BTBD10: variants seen among roughly 807,000 people sequenced by gnomAD.
BTBD10 encodes the protein BTB/POZ domain-containing protein 10.
Under a neutral mutation model 53.2 loss-of-function variants are expected in BTBD10, and 21 were observed. The ratio of observed to expected loss-of-function variants is 0.39; its 90% confidence interval spans 0.28 to 0.57. The LOEUF is 0.57. Ranked by LOEUF, BTBD10 falls within the 20% of genes least tolerant of loss-of-function variation. The pLI is 0.53. For missense variants in BTBD10, 360 were observed against 594.7 expected (o/e 0.61, Z 4.10); for synonymous variants, 149 against 192.7 (o/e 0.77, Z 1.88).
intron 2 of BTBD10, among the ~76,000 whole-genome samples, chr11:13,433,584 T>C (rs970627749): frequency 1.3e-5 from 2 of 152,258 alleles, no homozygotes; most frequent in African/African-American, 4.8e-5. Flanking sequence ...GCATCGTTAA[T>C]GTGTTAAGTC....
chr11:13,402,868 T>C (rs1416885876), intron 8 of BTBD10, among the ~76,000 whole-genome samples: 1 of 152,196 alleles, frequency 6.6e-6, no homozygotes, highest in Non-Finnish European at 1.5e-5. Flanking sequence ...CATATATTCA[T>C]GTCCACACAC....
Position 13,405,937 on chromosome 11 carries a change from G to C in BTBD10, c.809-81C>G, listed in dbSNP as rs999686260. ...TTAGAAATATAGACTCTTATAACAA[G>C]AAAGGCCAGGCAGCCTACATAGGCC... On this transcript the variant is annotated intron_variant, in intron 6 of 8. Coordinates refer to ENST00000278174, the MANE Select transcript of BTBD10 (RefSeq NM_032320.7). 3.7e-6 allele frequency: 5 copies of C among 1,360,228 alleles called. No individual in the cohort carries two copies. The African/African-American group carries it at 5.9e-5, about 16-fold the overall frequency. The allele number at this position is 1,360,228 out of a possible 1,614,324, so 84.3% of individuals were successfully genotyped here. A position where few individuals can be genotyped will look rare whatever the true frequency, so the allele number is the denominator to read the frequency against.
At chr11:13,414,295 A>C (rs1950038653) in intron 5 of BTBD10, among the ~76,000 whole-genome samples, 1 of 152,228 alleles carries the variant, frequency 6.6e-6, no homozygotes. Context: ...ATGAGTGATA[A>C]AAATTCTTTT....
intron 1 of BTBD10, among the ~76,000 whole-genome samples, chr11:13,454,120 C>A (rs1950918142): frequency 6.6e-6 from 1 of 152,090 alleles, no homozygotes. Flanking sequence ...TTTACTAGTG[C>A]AGAGGAAATA....
chr11:13,462,020 C>T (rs1229456638), intron 1 of BTBD10, among the ~76,000 whole-genome samples: 4 of 149,748 alleles, frequency 2.7e-5, no homozygotes. Flanking sequence ...ATTCAAATGA[C>T]AACTGCAGTC....
chr11:13,422,238 G>A (rs1211042797), intron 2 of BTBD10, among the ~76,000 whole-genome samples: 2 of 152,116 alleles, frequency 1.3e-5, no homozygotes, highest in Non-Finnish European at 2.9e-5. Flanking sequence ...TGAGGAATGG[G>A]GCAGAGAAAT....
intron 2 of BTBD10, among the ~76,000 whole-genome samples, chr11:13,441,932 C>A: frequency 6.6e-6 from 1 of 152,116 alleles, no homozygotes; most frequent in South Asian, 2.1e-4. Context: ...CAGATATCTG[C>A]TGGAAATTTC....
intron 2 of BTBD10, among the ~76,000 whole-genome samples, chr11:13,443,576 A>G (rs1314319855): frequency 2.0e-5 from 3 of 151,610 alleles, no homozygotes; most frequent in African/African-American, 7.3e-5. Flanking sequence ...ATACAGCCCC[A>G]CATTTAATGT....
intron 3 of BTBD10, among the ~76,000 whole-genome samples, chr11:13,420,413 T>C (rs902607015): frequency 3.9e-5 from 6 of 152,140 alleles, no homozygotes; most frequent in Non-Finnish European, 8.8e-5. Flanking sequence ...AAAGCACTGC[T>C]ACAAATTTTA....
chr11:13,394,877 A>AT (rs1194044826), intron 8 of BTBD10, among the ~76,000 whole-genome samples: 1 of 151,698 alleles, frequency 6.6e-6, no homozygotes, highest in Non-Finnish European at 1.5e-5. Flanking sequence ...TGAACTCATC[A>AT]TTTTTTATGG....
chr11:13,441,326 A>C (rs1464704085), intron 2 of BTBD10, among the ~76,000 whole-genome samples: 1 of 152,088 alleles, frequency 6.6e-6, no homozygotes, highest in Non-Finnish European at 1.5e-5. Context: ...AAAAAGATAA[A>C]TATTTGAGAT....
chr11:13,390,022 T>C (rs1285342388), intron 8 of BTBD10, among the ~76,000 whole-genome samples: 2 of 152,172 alleles, frequency 1.3e-5, no homozygotes, highest in African/African-American at 2.4e-5. Flanking sequence ...CCCTGATTAA[T>C]AGTACCTAAT....
At chr11:13,439,708 ATTTAT>A (rs1199674374) in intron 2 of BTBD10, among the ~76,000 whole-genome samples, 1 of 152,174 alleles carries the variant, frequency 6.6e-6, no homozygotes, top group Non-Finnish European at 1.5e-5. Flanking sequence ...AACATATTTC[ATTTAT>A]TTTAAGTAAC....
At chr11:13,436,340 T>A (rs746060742) in intron 2 of BTBD10, among the ~76,000 whole-genome samples, 2 of 152,204 alleles carry the variant, frequency 1.3e-5, no homozygotes, top group Non-Finnish European at 2.9e-5. Context: ...GCAGCATCCC[T>A]AGCCTCCATC....
Position 13,413,725 on chromosome 11 carries a change from C to G in BTBD10, c.688-75G>C, listed in dbSNP as rs553616195. On this transcript the variant is annotated intron_variant, in intron 5 of 8. Coordinates refer to ENST00000278174, the MANE Select transcript of BTBD10 (RefSeq NM_032320.7). ...GCCAAAACTTATTATTAAGGAAGGG[C>G]TGGTAACATTTTCAGAAACAGTAGA... 4.1e-5 allele frequency: 57 copies of G among 1,398,412 alleles called. No individual in the cohort carries two copies. In the Middle Eastern group the frequency reaches 5.6e-4, roughly 14 times the overall value. The allele number at this position is 1,398,412 out of a possible 1,614,324, so 86.6% of individuals were successfully genotyped here. A position where few individuals can be genotyped will look rare whatever the true frequency, so the allele number is the denominator to read the frequency against.
At chr11:13,433,838 T>C (rs764045386) in intron 2 of BTBD10, among the ~76,000 whole-genome samples, 1 of 152,154 alleles carries the variant, frequency 6.6e-6, no homozygotes, top group Non-Finnish European at 1.5e-5. Flanking sequence ...AACTATAATA[T>C]AAAAAATGCT....
intron 6 of BTBD10, among the ~76,000 whole-genome samples, chr11:13,411,965 G>A (rs1436659411): frequency 1.3e-5 from 2 of 151,866 alleles, no homozygotes; most frequent in Admixed American, 1.3e-4. Flanking sequence ...CCGAGTAGCT[G>A]GAATTACAGG....
chr11:13,391,171 T>TA (rs1205344211), intron 8 of BTBD10, among the ~76,000 whole-genome samples: 1 of 152,210 alleles, frequency 6.6e-6, no homozygotes, highest in Non-Finnish European at 1.5e-5. Flanking sequence ...AGGCTTTTTT[T>TA]ACAGCCTGGT....
intron 2 of BTBD10, among the ~76,000 whole-genome samples, chr11:13,424,652 A>T (rs1950302940): frequency 6.6e-6 from 1 of 152,190 alleles, no homozygotes; most frequent in South Asian, 2.1e-4. Flanking sequence ...AGGATAGGTA[A>T]GGACATGAAG....
Sources: gnomAD v4.1 joint callset for allele counts (sites outside exome capture counted in the v4.1 genomes callset) on GRCh38, gnomAD v4.1.1 for gene constraint, MANE v1.5 for transcripts, NCBI Gene and HGNC (gene_info 2026-07-23, HGNC 2026-07-21) for gene names.